Variants in ASTN1 observed in about 807,000 individuals in gnomAD.
ASTN1 encodes astrotactin 1.
A neutral mutation model predicts 140.7 loss-of-function variants in ASTN1; 41 were observed. The ratio of observed to expected loss-of-function variants is 0.29; its 90% confidence interval spans 0.23 to 0.38. The LOEUF (loss-of-function observed/expected upper bound fraction) is 0.38, where lower values mean the gene tolerates loss of function less well. Ranked by LOEUF, ASTN1 falls within the 10% of genes least tolerant of loss-of-function variation. The pLI, the probability that ASTN1 is intolerant of heterozygous loss-of-function variation, is 1.00. For missense variants in ASTN1, 1,479 were observed against 1,678.8 expected (o/e 0.88, Z 2.08); for synonymous variants, 640 against 652.2 (o/e 0.98, Z 0.29).
intron 1 of ASTN1, among the ~76,000 whole-genome samples, chr1:177,065,161 G>A (rs577663941): frequency 3.3e-5 from 5 of 152,134 alleles, no homozygotes; most frequent in Non-Finnish European, 4.4e-5. Context: ...AAGTCTCAAC[G>A]AGATCCTACT....
intron 11 of ASTN1, among the ~76,000 whole-genome samples, chr1:176,954,732 G>A (rs1166667340): frequency 6.6e-6 from 1 of 152,210 alleles, no homozygotes; most frequent in African/African-American, 2.4e-5. Context: ...GCAGTGGGTA[G>A]CTGACCATGA....
At chr1:177,093,150 C>T (rs1679848716) in intron 1 of ASTN1, among the ~76,000 whole-genome samples, 1 of 152,174 alleles carries the variant, frequency 6.6e-6, no homozygotes, top group Admixed American at 6.5e-5. Context: ...TATTTGTTGG[C>T]TGACTGAATG....
intron 1 of ASTN1, among the ~76,000 whole-genome samples, chr1:177,109,187 A>G (rs1680694065): frequency 6.6e-6 from 1 of 152,162 alleles, no homozygotes; most frequent in Non-Finnish European, 1.5e-5. Context: ...AATTATGAAT[A>G]CTGGATTTTT....
chr1:177,082,230 G>A (rs753304697), intron 1 of ASTN1, among the ~76,000 whole-genome samples: 4 of 152,156 alleles, frequency 2.6e-5, no homozygotes, highest in African/African-American at 4.8e-5. Context: ...ATCTACCTAT[G>A]AGTGTGCAGT....
intron 8 of ASTN1, among the ~76,000 whole-genome samples, chr1:177,010,885 G>C: frequency 6.6e-6 from 1 of 152,262 alleles, no homozygotes; most frequent in East Asian, 1.9e-4. Flanking sequence ...AAGAGGTTTC[G>C]TGTTTGTTTC....
At chr1:176,980,385 C>G (rs1278655889) in intron 8 of ASTN1, among the ~76,000 whole-genome samples, 2 of 152,008 alleles carry the variant, frequency 1.3e-5, no homozygotes, top group Non-Finnish European at 2.9e-5. Context: ...TGGCACATGA[C>G]AAGAAATGAG....
At chr1:176,908,044 C>G (rs576729365) in intron 16 of ASTN1, among the ~76,000 whole-genome samples, 1 of 152,048 alleles carries the variant, frequency 6.6e-6, no homozygotes. Context: ...TTGGCAGTTA[C>G]GATCACCAAT....
intron 2 of ASTN1, among the ~76,000 whole-genome samples, chr1:177,041,687 C>T (rs78957771): frequency 7.6e-4 from 116 of 152,334 alleles, no homozygotes; most frequent in African/African-American, 2.5e-3. Flanking sequence ...TAGGATCAAA[C>T]ATTAAGGGAA....
chr1:177,121,496 T>A (rs1186807938), intron 1 of ASTN1, among the ~76,000 whole-genome samples: 1 of 152,104 alleles, frequency 6.6e-6, no homozygotes, highest in Non-Finnish European at 1.5e-5. Flanking sequence ...TTTCTATAGA[T>A]GAGAATCCTA....
chr1:177,161,101 A>G (rs1647334208), intron 1 of ASTN1, among the ~76,000 whole-genome samples: 1 of 152,204 alleles, frequency 6.6e-6, no homozygotes, highest in South Asian at 2.1e-4. Context: ...CCTGTTCTCT[A>G]CTTGGAATTA....
Position 176,946,085 on chromosome 1 carries a change from C to T in ASTN1, c.2090G>A (p.Arg697His), listed in dbSNP as rs372931394. ...IEDYKLGVDG[R>H]SCQLITETCP... ...GGTCTCCGTGATGAGTTGGCAAGAG[C>T]GTCCATCCACACCAAGCTTGTAGTC... Residue 697 changes from arginine to histidine, a missense_variant, in exon 13 of 23, where the codon CGC becomes CAC. Transcript: ENST00000361833. The T allele has an allele frequency of 6.4e-5, 104 of 1,613,168 alleles. No individual in the cohort carries two copies. The highest frequency in any genetic ancestry group is 7.8e-5 in the Non-Finnish European group (92 of 1,179,464).
chr1:177,029,642 C>A lies in ASTN1; in HGVS notation c.1112G>T (p.Arg371Leu). ...FYTDPSRSRR[R>L]SRVGSPRSPV... ...ACCTCTATCATTCCTACCTCTACTA[C>A]GCCTCCTGCTCCTTGAAGGATCCGT... The change falls in exon 5 of 23, where the codon CGT becomes CTT. Residue 371 changes from arginine to leucine, a missense_variant. This residue lies in a region of ASTN1 where 729 missense variants were observed against 860.4 expected (regional missense o/e 0.85). Transcript: ENST00000361833. The A allele has an allele frequency of 6.2e-7, 1 of 1,613,650 alleles. No homozygotes were observed. The highest frequency in any genetic ancestry group is 8.5e-7 in the Non-Finnish European group (1 of 1,179,786).
At chr1:176,867,196 T>C (rs1668158532) in intron 22 of ASTN1, among the ~76,000 whole-genome samples, 1 of 152,212 alleles carries the variant, frequency 6.6e-6, no homozygotes, top group Non-Finnish European at 1.5e-5. Flanking sequence ...CCAAATGCCC[T>C]TAGAAATCAA....
intron 1 of ASTN1, among the ~76,000 whole-genome samples, chr1:177,083,621 C>G (rs1321029365): frequency 1.3e-5 from 2 of 152,088 alleles, no homozygotes; most frequent in African/African-American, 4.8e-5. Context: ...AAATACTTTT[C>G]CTCTTATAAA....
At chr1:176,997,900 G>A (rs1674531578) in intron 8 of ASTN1, among the ~76,000 whole-genome samples, 1 of 152,100 alleles carries the variant, frequency 6.6e-6, no homozygotes, top group Non-Finnish European at 1.5e-5. Context: ...ACCAGGTAGG[G>A]TATTAAAGGG....
At chr1:176,948,277 CG>C (rs1672036428) in intron 12 of ASTN1, among the ~76,000 whole-genome samples, 1 of 137,324 alleles carries the variant, frequency 7.3e-6, no homozygotes, top group Non-Finnish European at 1.5e-5. Flanking sequence ...CTTAGCAGGT[CG>C]GAAGAGAGAG....
intron 1 of ASTN1, among the ~76,000 whole-genome samples, chr1:177,122,342 G>A (rs1681439391): frequency 6.6e-6 from 1 of 152,114 alleles, no homozygotes; most frequent in African/African-American, 2.4e-5. Context: ...AAAACCCAGA[G>A]AGTAGAACTG....
At chr1:176,903,967 G>A (rs1669876303) in intron 16 of ASTN1, among the ~76,000 whole-genome samples, 1 of 152,068 alleles carries the variant, frequency 6.6e-6, no homozygotes. Context: ...GTTATCACGC[G>A]GCTTTCTTTT....
intron 1 of ASTN1, among the ~76,000 whole-genome samples, chr1:177,152,500 T>A (rs1238783159): frequency 1.3e-5 from 2 of 150,938 alleles, no homozygotes; most frequent in Admixed American, 6.6e-5. Context: ...TAGAAGTAAA[T>A]CTAACAAGAA....
Sources: allele counts gnomAD v4.1 joint callset (sites outside exome capture counted in the v4.1 genomes callset), GRCh38; gene constraint gnomAD v4.1.1; regional missense constraint gnomAD v4.1.1; transcripts MANE v1.5; gene names NCBI Gene and HGNC (gene_info 2026-07-23, HGNC 2026-07-21).